The following CLEC4F variants were observed in gnomAD, a reference collection of about 807,000 sequenced individuals.
The protein encoded by CLEC4F is C-type (calcium dependent, carbohydrate-recognition domain) lectin, superfamily member 13.
CLEC4F carries 45 observed loss-of-function variants against 53.4 expected under a neutral mutation model. The observed-to-expected ratio is 0.84, with a 90% confidence interval of 0.66 to 1.08. CLEC4F has a LOEUF of 1.08. Ranked by LOEUF, CLEC4F falls within the 50% of genes least tolerant of loss-of-function variation. The pLI is 0.00. For missense variants in CLEC4F, 753 were observed against 698.2 expected (o/e 1.08, Z -0.88); for synonymous variants, 245 against 257.5 (o/e 0.95, Z 0.46).
intron 4 of CLEC4F, among the ~76,000 whole-genome samples, chr2:70,814,908 G>T (rs536886535): frequency 6.6e-6 from 1 of 151,908 alleles, no homozygotes; most frequent in South Asian, 2.1e-4. Context: ...CTCCTTGGGC[G>T]ATTCCAGTGT....
rs1219289354 is a variant in CLEC4F at position 70,815,974 on chromosome 2, G to A, written c.1387+20C>T. 2.0e-5 allele frequency: 32 copies of A among 1,602,128 alleles called. No homozygotes were observed. The highest frequency in any genetic ancestry group is 5.1e-5 in the Admixed American group (3 of 58,552). On this transcript the variant is annotated intron_variant, in intron 4 of 6. Coordinates refer to ENST00000272367, the MANE Select transcript of CLEC4F (RefSeq NM_173535.3). ...AAGAGACTGTGCCCTCCCCAAACGC[G>A]ACTCCCCTCTCCCACTTACTTTGGG... is the stretch of plus-strand genomic sequence containing the variant.
chr2:70,813,534 TC>T (rs1553394863), intron 4 of CLEC4F, among the ~76,000 whole-genome samples: 29 of 150,826 alleles, frequency 1.9e-4, no homozygotes, highest in African/African-American at 4.9e-4. Flanking sequence ...TTTCTTTCTT[TC>T]TTTTTTTCTT....
chr2:70,819,648 C>T (rs1677120240), intron 2 of CLEC4F, 127 bp downstream of exon 2: 1 of 842,122 alleles, frequency 1.2e-6, no homozygotes, highest in African/African-American at 1.7e-5. Flanking sequence ...TGGCTTGGGC[C>T]TGGAGCTGGA....
At position 70,817,044 on chromosome 2, in the gene CLEC4F, T is replaced by G. The variant is rs781833119; in HGVS notation, c.337A>C (p.Asn113His). ...LIQTFKGHME[N>H]SSAWVVEIQM... ...ATTTCTACTACCCAGGCACTGGAAT[T>G]CTCCATGTGGCCTTTAAATGTCTGG... The change falls in exon 4 of 7, where the codon AAT (asparagine) becomes CAT (histidine). Residue 113 changes from asparagine to histidine, a missense_variant. Physicochemically the swap from Asn to His is moderately conservative, Grantham distance 68. Transcript: ENST00000272367. The G allele has an allele frequency of 1.1e-5, 18 of 1,614,054 alleles. No homozygotes were observed. The Admixed American group carries it at 3.0e-4, about 27-fold the overall frequency.
upstream of CLEC4F, among the ~76,000 whole-genome samples, chr2:70,824,110 G>C (rs782158038): frequency 1.3e-5 from 2 of 151,964 alleles, no homozygotes; most frequent in African/African-American, 2.4e-5. Context: ...AGCCAGGAGA[G>C]GGAGAGAGGC....
intron 3 of CLEC4F, among the ~76,000 whole-genome samples, chr2:70,817,546 T>C (rs556612950): frequency 6.6e-6 from 1 of 152,350 alleles, no homozygotes; most frequent in African/African-American, 2.4e-5. Context: ...GAATAAAGCC[T>C]GTGGTTAGTC....
intron 5 of CLEC4F, among the ~76,000 whole-genome samples, chr2:70,810,314 C>A (rs1676476305): frequency 6.6e-6 from 1 of 152,058 alleles, no homozygotes; most frequent in Admixed American, 6.6e-5. Context: ...TTATGAATAA[C>A]TTAAAAAGTA....
At chr2:70,809,519 A>ACACATAT (rs1207588510) in intron 6 of CLEC4F, 137 bp from the exon 7 acceptor site, 25 of 912,860 alleles carry the variant, frequency 2.7e-5, no homozygotes, top group Non-Finnish European at 4.0e-5. Flanking sequence ...GTCCAAACGC[A>ACACATAT]CACACATCAC....
upstream of CLEC4F, among the ~76,000 whole-genome samples, chr2:70,822,470 C>A (rs535176556): frequency 6.6e-6 from 1 of 152,110 alleles, no homozygotes; most frequent in Non-Finnish European, 1.5e-5. Context: ...GCTGGGTGGG[C>A]CTAGCATTAG....
intron 4 of CLEC4F, among the ~76,000 whole-genome samples, chr2:70,815,203 A>T (rs868955512): frequency 1.3e-5 from 2 of 152,158 alleles, no homozygotes; most frequent in African/African-American, 2.4e-5. Context: ...GAATCTCATG[A>T]TTTTGTGTCT....
rs782595334 is a variant in CLEC4F, at chr2:70,812,579, G to A, written c.1407C>T (p.Val469=). 8.1e-6 allele frequency: 13 copies of A among 1,614,020 alleles called. No individual in the cohort carries two copies. The highest frequency in any genetic ancestry group is 4.2e-6 in the Non-Finnish European group (5 of 1,180,024). Residue 469 remains valine, a synonymous_variant, in exon 5 of 7, where the codon GTC becomes GTT. Transcript: ENST00000272367. The stretch of plus-strand genomic sequence containing the variant: ...CACCATTGAACTTCCAGCCTTGCAG[G>A]ACCATCTGGAGAAGCTGACCTGGAG... ...QRTQSQLLQM[V]LQGWKFNGGS...
chr2:70,812,481 G>A lies in CLEC4F; in HGVS notation c.1505C>T (p.Ala502Val). Residue 502 changes from alanine (A) to valine (V), a missense_variant, in exon 5 of 7, where the codon GCC becomes GTC. Ala to Val is a moderately conservative substitution (Grantham distance 64, BLOSUM62 0). Coordinates refer to ENST00000272367, the MANE Select transcript of CLEC4F (RefSeq NM_173535.3). ...CTTGGAGGCCACAGATGCCAGATGG[G>A]CTCCCTGGGACACGCAGAACTGCTC... ...EAEQFCVSQG[A>V]HLASVASKEE... The A allele has an allele frequency of 6.2e-7, 1 of 1,614,118 alleles. No homozygotes were observed. The highest frequency in any genetic ancestry group is 8.5e-7 in the Non-Finnish European group (1 of 1,180,026).
upstream of CLEC4F, among the ~76,000 whole-genome samples, chr2:70,822,482 A>G (rs1315430211): frequency 1.3e-5 from 2 of 152,160 alleles, no homozygotes; most frequent in Non-Finnish European, 2.9e-5. Context: ...TAGCATTAGA[A>G]GAGAAGGCAT....
In CLEC4F at chr2:70,812,578, G is replaced by C; in HGVS notation, c.1408C>G (p.Leu470Val). 1.9e-6 allele frequency: 3 copies of C among 1,614,184 alleles called. No homozygotes were observed. The highest frequency in any genetic ancestry group is 2.5e-6 in the Non-Finnish European group (3 of 1,180,030). Residue 470 changes from leucine to valine, a missense_variant, in exon 5 of 7, where the codon CTG (leucine) becomes GTG (valine). Coordinates refer to ENST00000272367, the MANE Select transcript of CLEC4F (RefSeq NM_173535.3). ...CCACCATTGAACTTCCAGCCTTGCA[G>C]GACCATCTGGAGAAGCTGACCTGGA... The part of the protein sequence containing the change: ...RTQSQLLQMV[L>V]QGWKFNGGSL...
chr2:70,815,750 C>T (rs914867902), intron 4 of CLEC4F, among the ~76,000 whole-genome samples: 2 of 152,194 alleles, frequency 1.3e-5, no homozygotes, highest in African/African-American at 2.4e-5. Context: ...TTATCACACA[C>T]GTGCACCATT....
chr2:70,820,360 G>T, intron 1 of CLEC4F, 103 bp downstream of exon 1: 1 of 1,029,148 alleles, frequency 9.7e-7, no homozygotes. Flanking sequence ...ACAAGGGTCT[G>T]GGGAGAGCAA....
rs1553394987 is a variant in CLEC4F, at chr2:70,813,614, T to TCTTTCTTC, written c.1388-1017_1388-1016insGAAGAAAG. Reference sequence around the variant, plus strand: ...CTTTCTTTCTCTTTCTTTCTTTCTTTCTTTCTTTCTTTCTTTCTTTCTTTC... The same window carrying TCTTTCTTC: ...CTTTCTTTCTCTTTCTTTCTTTCTTTCTTTCTTCCTTTCTTTCTTTCTTTCTTTCTTTC... On this transcript the variant is annotated intron_variant, in intron 4 of 6. Transcript: ENST00000272367. Among the ~76,000 whole-genome samples the TCTTTCTTC allele has an allele frequency of 7.8e-3, 1,100 of 141,866 alleles. 21 individuals carry two copies. Among genetic ancestry groups the TCTTTCTTC allele is most frequent in the African/African-American group, 0.03 (1,050 of 34,818 alleles). 93.1% of individuals were successfully genotyped at this position (141,866 alleles called of 152,430 possible). A position where few individuals can be genotyped will look rare whatever the true frequency, so the allele number is the denominator to read the frequency against.
chr2:70,822,902 C>T (rs1558623598), upstream of CLEC4F, among the ~76,000 whole-genome samples: 1 of 152,220 alleles, frequency 6.6e-6, no homozygotes, highest in Admixed American at 6.5e-5. Flanking sequence ...CCCCAGCTGC[C>T]AACTAACAAC....
In CLEC4F at chr2:70,819,346, G is replaced by T. The variant is rs781949523; in HGVS notation, c.268+9C>A. 5 of 1,611,638 alleles carry T rather than the reference G, an allele frequency of 3.1e-6. No homozygotes were observed. The highest frequency in any genetic ancestry group is 4.2e-6 in the Non-Finnish European group (5 of 1,177,792). ...CCCTCTGCACCCCACCCCCACTGTG[G>T]CTACTCACTGTTGGGTTCAAAAGGT... On this transcript the variant is annotated intron_variant, in intron 3 of 6. Transcript: ENST00000272367.
Sources: allele counts gnomAD v4.1 joint callset (sites outside exome capture counted in the v4.1 genomes callset), GRCh38; gene constraint gnomAD v4.1.1; transcripts MANE v1.5; gene names NCBI Gene and HGNC (gene_info 2026-07-23, HGNC 2026-07-21).